CPD: variants seen among roughly 807,000 people sequenced by gnomAD.
CPD encodes the protein carboxypeptidase D.
Under a neutral mutation model 138.3 loss-of-function variants are expected in CPD, and 69 were observed. That is an observed-to-expected ratio of 0.50 (90% confidence interval 0.41 to 0.61). CPD has a LOEUF of 0.61. Ranked by LOEUF, CPD falls within the 20% of genes least tolerant of loss-of-function variation. The pLI, the probability that CPD is intolerant of heterozygous loss-of-function variation, is 0.00. For synonymous variants in CPD, 651 were observed against 642.1 expected (o/e 1.01, Z -0.21); for missense variants, 1,432 against 1,733.3 (o/e 0.83, Z 3.09).
chr17:30,444,004 C>A, intron 11 of CPD, 33 bp downstream of exon 11: 1 of 1,606,150 alleles, frequency 6.2e-7, no homozygotes, highest in South Asian at 1.1e-5. Flanking sequence ...ATAGAGTGCT[C>A]GGAGGACAAA....
At chr17:30,427,037 C>G (rs1310870228) in intron 6 of CPD, among the ~76,000 whole-genome samples, 1 of 152,084 alleles carries the variant, frequency 6.6e-6, no homozygotes, top group Non-Finnish European at 1.5e-5. Flanking sequence ...CAAAAATTAG[C>G]TGGGCATGAT....
chr17:30,420,976 TTGAAAAGG>T lies in CPD; in HGVS notation c.1132_1137+2del. 6.2e-7 allele frequency: 1 copy of T among 1,613,262 alleles called. No individual in the cohort carries two copies. The highest frequency in any genetic ancestry group is 8.5e-7 in the Non-Finnish European group (1 of 1,179,524). ...AATCGTGAGTCTTTGATCACATTGA[TTGAAAAGG>T]TAAAAGTAGATGACTGGAATGTTGG... is the stretch of plus-strand genomic sequence containing the variant. On this transcript the variant is annotated splice_donor_variant and coding_sequence_variant, in exon 3 of 21. Transcript: ENST00000225719. LOFTEE classifies it high-confidence loss of function.
At chr17:30,462,169 A>G in intron 19 of CPD, 107 bp downstream of exon 19, 1 of 1,170,952 alleles carries the variant, frequency 8.5e-7, no homozygotes, top group Non-Finnish European at 1.2e-6. Flanking sequence ...AAAGAAATTA[A>G]AAGTGTGACT....
At chr17:30,429,387 A>G (rs1157371825) in intron 7 of CPD, among the ~76,000 whole-genome samples, 3 of 152,212 alleles carry the variant, frequency 2.0e-5, no homozygotes, top group Non-Finnish European at 4.4e-5. Flanking sequence ...GGTGAGAGGT[A>G]GGAATCTTCA....
intron 2 of CPD, among the ~76,000 whole-genome samples, chr17:30,408,054 C>A (rs1427180664): frequency 1.3e-5 from 2 of 152,188 alleles, no homozygotes; most frequent in African/African-American, 4.8e-5. Flanking sequence ...CTTTTCCCAG[C>A]ACCATTTATT....
At chr17:30,448,128 T>C (rs377205754) in intron 12 of CPD, among the ~76,000 whole-genome samples, 1 of 152,242 alleles carries the variant, frequency 6.6e-6, no homozygotes, top group Non-Finnish European at 1.5e-5. Context: ...TAACTGATTC[T>C]TGGATATTTC....
At position 30,442,259 on chromosome 17, in the gene CPD, G is replaced by A. The variant is rs772099683; in HGVS notation, c.2231-49G>A. ...ATGTTGCTTACCTTTTGGGATCTGAGCTGTTTAGAACTTCTTCAGAGTGAC... is the reference window on the plus strand; with the variant it reads ...ATGTTGCTTACCTTTTGGGATCTGAACTGTTTAGAACTTCTTCAGAGTGAC... On this transcript the variant is annotated intron_variant, in intron 9 of 20. Transcript: ENST00000225719. The A allele has an allele frequency of 5.1e-6, 8 of 1,563,146 alleles. No homozygotes were observed. In the East Asian group the frequency reaches 1.4e-4, roughly 27 times the overall value.
At chr17:30,416,326 C>A (rs1177962661) in intron 2 of CPD, among the ~76,000 whole-genome samples, 2 of 152,034 alleles carry the variant, frequency 1.3e-5, no homozygotes, top group African/African-American at 4.8e-5. Context: ...GAGCGAAAGT[C>A]CGTCTCAAAA....
rs1479966160 is a variant in CPD at position 30,379,438 on chromosome 17, C to G, written c.458C>G (p.Ala153Gly). The G allele has an allele frequency of 3.2e-6, 5 of 1,568,000 alleles. No individual in the cohort carries two copies. The highest frequency in any genetic ancestry group is 4.3e-6 in the Non-Finnish European group (5 of 1,165,400). ...TVSRQVLIYLARELAAGYRRG... is the reference protein window; with the variant it reads ...TVSRQVLIYLGRELAAGYRRG... ...TCGCGCCAGGTGTTGATCTACTTGGCCCGCGAGCTGGCGGCCGGCTACCGC... is the reference window on the plus strand; with the variant it reads ...TCGCGCCAGGTGTTGATCTACTTGGGCCGCGAGCTGGCGGCCGGCTACCGC... The change falls in exon 1 of 21, where the codon GCC (alanine) becomes GGC (glycine). Residue 153 changes from alanine to glycine, a missense_variant. Ala to Gly is a moderately conservative substitution (Grantham distance 60). Around this residue, in one of 6 missense-constraint regions of CPD, gnomAD observed 484 missense variants for 477.2 expected, o/e 1.01. Transcript: ENST00000225719. This position sits in a 1 kb window ranked among gnomAD's most constrained non-coding sequence, Gnocchi z 7.0.
intron 2 of CPD, among the ~76,000 whole-genome samples, chr17:30,388,937 C>T (rs1389567008): frequency 6.6e-6 from 1 of 150,784 alleles, no homozygotes; most frequent in African/African-American, 2.5e-5. Context: ...AGAGCCTCCT[C>T]CCGAGCCCAG....
intron 14 of CPD, chr17:30,454,079 A>G (rs1913231871): frequency 6.6e-6 from 1 of 151,996 alleles, no homozygotes. Flanking sequence ...GCCTGGAGAC[A>G]TTTTCCCCAT....
At chr17:30,421,906 G>A in intron 4 of CPD, 73 bp downstream of exon 4, 4 of 1,114,236 alleles carry the variant, frequency 3.6e-6, no homozygotes, top group Non-Finnish European at 5.2e-6. Context: ...CAGAAATATA[G>A]TCTAGTACAT....
chr17:30,427,979 T>C (rs1912466449), intron 7 of CPD, among the ~76,000 whole-genome samples: 1 of 152,074 alleles, frequency 6.6e-6, no homozygotes, highest in Non-Finnish European at 1.5e-5. Context: ...TTCAGGTATT[T>C]TGTATTTATC....
chr17:30,380,731 G>C, intron 1 of CPD: 1 of 906,518 alleles, frequency 1.1e-6, no homozygotes, highest in South Asian at 1.7e-5. Flanking sequence ...CATCTCTGTG[G>C]AAGAGGTAGA....
intron 2 of CPD, among the ~76,000 whole-genome samples, chr17:30,419,364 G>A (rs1190155835): frequency 6.6e-6 from 1 of 152,024 alleles, no homozygotes; most frequent in East Asian, 2.0e-4. Flanking sequence ...TTTGGAGACA[G>A]AGTCGCACTC....
chr17:30,422,195 T>G (rs1175738871), intron 4 of CPD, among the ~76,000 whole-genome samples: 3 of 152,180 alleles, frequency 2.0e-5, no homozygotes, highest in Non-Finnish European at 4.4e-5. Flanking sequence ...TTCTAATATA[T>G]TAAATGAATG....
At chr17:30,385,906 T>G (rs889092983) in intron 2 of CPD, among the ~76,000 whole-genome samples, 1 of 151,942 alleles carries the variant, frequency 6.6e-6, no homozygotes, top group African/African-American at 2.4e-5. Flanking sequence ...CCAGCAAGAC[T>G]ATTATATAGA....
At chr17:30,413,993 A>C (rs756081842) in intron 2 of CPD, among the ~76,000 whole-genome samples, 1 of 152,216 alleles carries the variant, frequency 6.6e-6, no homozygotes, top group African/African-American at 2.4e-5. Flanking sequence ...GGAGGTACTT[A>C]GAGTATCCCG....
At chr17:30,411,755 C>A (rs889510117) in intron 2 of CPD, among the ~76,000 whole-genome samples, 1 of 152,130 alleles carries the variant, frequency 6.6e-6, no homozygotes, top group African/African-American at 2.4e-5. Context: ...GTTAGCCATT[C>A]GTCTAACCTT....
Sources: allele counts gnomAD v4.1 joint callset (sites outside exome capture counted in the v4.1 genomes callset), GRCh38; gene constraint gnomAD v4.1.1; regional missense constraint gnomAD v4.1.1; non-coding constraint Gnocchi (gnomAD v3.1); transcripts MANE v1.5; gene names NCBI Gene and HGNC (gene_info 2026-07-23, HGNC 2026-07-21).